MCPH1: variants seen among roughly 807,000 people sequenced by gnomAD.
The protein encoded by MCPH1 is microcephalin 1, also known as microcephalin.
A neutral mutation model predicts 84.5 loss-of-function variants in MCPH1; 104 were observed. That is an observed-to-expected ratio of 1.23 (90% CI 1.05 to 1.45). MCPH1 has a LOEUF of 1.45. Among genes scored for constraint, MCPH1 ranks in the 40% most tolerant of loss-of-function variants. MCPH1 has a pLI of 0.00. For synonymous variants in MCPH1, 514 were observed against 366.8 expected (o/e 1.40, Z -4.58); for missense variants, 1,498 against 1,005.7 (o/e 1.49, Z -6.62).
At chr8:6,431,830 G>C (rs887818845) in intron 4 of MCPH1, among the ~76,000 whole-genome samples, 2 of 152,156 alleles carry the variant, frequency 1.3e-5, no homozygotes, top group African/African-American at 2.4e-5. Flanking sequence ...AGACTAAAAG[G>C]TGCCAAGAGA....
intron 12 of MCPH1, among the ~76,000 whole-genome samples, chr8:6,518,386 G>A (rs974246269): frequency 6.6e-6 from 1 of 152,228 alleles, no homozygotes; most frequent in Non-Finnish European, 1.5e-5. Context: ...AGCAGACTGT[G>A]TTGTTTGTGG....
At chr8:6,551,005 A>G (rs1823549118) in intron 12 of MCPH1, among the ~76,000 whole-genome samples, 1 of 152,214 alleles carries the variant, frequency 6.6e-6, no homozygotes, top group Non-Finnish European at 1.5e-5. Context: ...AGAACCCTGT[A>G]GACTTTTGAA....
At chr8:6,641,185 A>G (rs1797912767) in intron 13 of MCPH1, among the ~76,000 whole-genome samples, 1 of 152,118 alleles carries the variant, frequency 6.6e-6, no homozygotes, top group Admixed American at 6.5e-5. Flanking sequence ...TTCTAGATGA[A>G]TTTGGAAAGA....
chr8:6,633,635 C>T (rs1253301640), intron 13 of MCPH1, among the ~76,000 whole-genome samples: 2 of 152,140 alleles, frequency 1.3e-5, no homozygotes, highest in Admixed American at 6.5e-5. Flanking sequence ...ACCCAGCCCC[C>T]TTCAACTATA....
chr8:6,576,374 C>T (rs1313735232), intron 12 of MCPH1, among the ~76,000 whole-genome samples: 5 of 152,024 alleles, frequency 3.3e-5, no homozygotes, highest in Non-Finnish European at 7.4e-5. Flanking sequence ...ATGTCTGTAA[C>T]CATTGTTGTG....
intron 12 of MCPH1, chr8:6,620,164 C>T (rs1586828944): frequency 6.6e-6 from 1 of 152,290 alleles, no homozygotes; most frequent in African/African-American, 2.4e-5. Flanking sequence ...AATCATTTGC[C>T]CCTGCTGCCA....
chr8:6,503,374 A>C, intron 12 of MCPH1: 1 of 1,054,584 alleles, frequency 9.5e-7, no homozygotes. Flanking sequence ...TGGAGTAGGC[A>C]CATGCAGATG....
intron 12 of MCPH1, chr8:6,508,824 A>T (rs538726593): frequency 2.0e-6 from 3 of 1,477,006 alleles, no homozygotes; most frequent in South Asian, 1.1e-5. Context: ...TACGTATGAA[A>T]TTGTGGACAT....
chr8:6,451,467 C>T (rs1585853807), intron 8 of MCPH1, among the ~76,000 whole-genome samples: 1 of 152,308 alleles, frequency 6.6e-6, no homozygotes, highest in African/African-American at 2.4e-5. Context: ...ATTCAAAAGT[C>T]AGAGCAATTA....
intron 12 of MCPH1, among the ~76,000 whole-genome samples, chr8:6,617,705 C>G (rs1027591608): frequency 6.6e-6 from 1 of 152,004 alleles, no homozygotes; most frequent in Non-Finnish European, 1.5e-5. Flanking sequence ...GAGACAGGGT[C>G]TCGCTCTGTC....
At chr8:6,419,156 C>CACAG (rs1320940945) in intron 3 of MCPH1, among the ~76,000 whole-genome samples, 8 of 33,104 alleles carry the variant, frequency 2.4e-4, no homozygotes, top group African/African-American at 3.3e-4. Flanking sequence ...CACACAGACA[C>CACAG]ACACACACAC....
intron 12 of MCPH1, among the ~76,000 whole-genome samples, chr8:6,540,540 C>G (rs1261923395): frequency 6.6e-6 from 1 of 152,230 alleles, no homozygotes; most frequent in Non-Finnish European, 1.5e-5. Flanking sequence ...ATACCTGACA[C>G]TTGCACAGAT....
At chr8:6,459,937 T>C (rs957813329) in intron 9 of MCPH1, among the ~76,000 whole-genome samples, 1 of 152,196 alleles carries the variant, frequency 6.6e-6, no homozygotes, top group Non-Finnish European at 1.5e-5. Flanking sequence ...CGGGGATGGA[T>C]GCAGAACCGC....
intron 12 of MCPH1, among the ~76,000 whole-genome samples, chr8:6,505,754 GTATATATAGAA>G (rs1813507198): frequency 5.6e-5 from 7 of 124,778 alleles, no homozygotes; most frequent in Middle Eastern, 9.3e-3. Context: ...TTATATATAC[GTATATATAGAA>G]TATATATATT....
chr8:6,469,779 A>G (rs113767609), intron 9 of MCPH1, among the ~76,000 whole-genome samples: 12 of 152,318 alleles, frequency 7.9e-5, no homozygotes, highest in African/African-American at 2.4e-4. Context: ...TCTTACTAAA[A>G]CAAAATCAGC....
At chr8:6,532,383 C>T (rs1344713153) in intron 12 of MCPH1, 2 of 1,614,118 alleles carry the variant, frequency 1.2e-6, no homozygotes, top group Non-Finnish European at 1.7e-6. Flanking sequence ...TTTGGTTCAA[C>T]AGGTTTGTCC....
At chr8:6,597,778 C>G (rs1361711671) in intron 12 of MCPH1, among the ~76,000 whole-genome samples, 1 of 152,214 alleles carries the variant, frequency 6.6e-6, no homozygotes, top group East Asian at 1.9e-4. Flanking sequence ...GAACCCACTC[C>G]TTTCTGAATA....
intron 12 of MCPH1, among the ~76,000 whole-genome samples, chr8:6,556,452 C>T (rs1170229676): frequency 1.3e-5 from 2 of 152,092 alleles, no homozygotes; most frequent in Middle Eastern, 3.4e-3. Flanking sequence ...AACATCATCC[C>T]CACCCCACAG....
chr8:6,521,177 C>G, intron 12 of MCPH1: 1 of 1,610,190 alleles, frequency 6.2e-7, no homozygotes, highest in Non-Finnish European at 8.5e-7. Flanking sequence ...TGTAAACTTA[C>G]AGTTTGATGT....
Sources: allele counts gnomAD v4.1 joint callset (sites outside exome capture counted in the v4.1 genomes callset), GRCh38; gene constraint gnomAD v4.1.1; transcripts MANE v1.5; gene names NCBI Gene and HGNC (gene_info 2026-07-23, HGNC 2026-07-21).